The following MYBPHL variants were observed in gnomAD, a reference collection of about 807,000 sequenced individuals.
MYBPHL encodes the protein myosin binding protein H like.
In MYBPHL, 32 loss-of-function variants were observed where a neutral mutation model predicts 39.5. That is an observed-to-expected ratio of 0.81 (90% confidence interval 0.61 to 1.09). The LOEUF (loss-of-function observed/expected upper bound fraction) is 1.09. Among genes scored for constraint, MYBPHL ranks in the 50% least tolerant of loss-of-function variants. The pLI is 0.00. For synonymous variants in MYBPHL, 196 were observed against 183.7 expected (o/e 1.07, Z -0.54); for missense variants, 456 against 460.2 (o/e 0.99, Z 0.08).
In MYBPHL at chr1:109,295,383, C is replaced by A. The variant is rs771226582; in HGVS notation, c.868-86G>T. The A allele has an allele frequency of 7.8e-6, 10 of 1,282,028 alleles. No homozygotes were observed. The African/African-American group carries it at 1.5e-4, about 19-fold the overall frequency. 79.4% of individuals were successfully genotyped at this position (1,282,028 alleles called of 1,614,324 possible). On this transcript the variant is annotated intron_variant, in intron 6 of 8. Coordinates refer to ENST00000357155, the MANE Select transcript of MYBPHL (RefSeq NM_001010985.3). ...CTGTGCTCAGTTTCTGGGACTCTGT[C>A]TATATAGAGATAATGGCTTTCTGGA...
At chr1:109,294,047 G>A (rs1423021488) in intron 8 of MYBPHL, among the ~76,000 whole-genome samples, 159 bp downstream of exon 8, 1 of 152,082 alleles carries the variant, frequency 6.6e-6, no homozygotes, top group African/African-American at 2.4e-5. Context: ...CTGGGCAACA[G>A]AGTAAGACAT....
At chr1:109,297,254 G>T (rs913820176) in intron 3 of MYBPHL, 65 bp from the exon 4 acceptor site, 12 of 1,610,994 alleles carry the variant, frequency 7.4e-6, no homozygotes, top group Non-Finnish European at 8.5e-6. Flanking sequence ...CACTTCAGGA[G>T]TGCCCTAGCC....
chr1:109,296,285 T>A lies in MYBPHL; in HGVS notation c.816A>T (p.Thr272=). The A allele has an allele frequency of 1.2e-6, 2 of 1,613,936 alleles. No homozygotes were observed. The highest frequency in any genetic ancestry group is 4.5e-5 in the East Asian group (2 of 44,866). ...AGAGCTGGGTATTATAGCCGGTGAC[T>A]GTAGTGCAGTCGGCCAGAGGCTGGG... ...KFTQPLADCT[T]VTGYNTQLFC... is the part of the protein sequence containing the mutation. The change falls in exon 6 of 9, where the codon ACA becomes ACT. Residue 272 remains threonine, a synonymous_variant. Transcript: ENST00000357155.
chr1:109,301,188 GCTTCC>G (rs1266805926), intron 1 of MYBPHL, among the ~76,000 whole-genome samples: 1 of 152,242 alleles, frequency 6.6e-6, no homozygotes, highest in Non-Finnish European at 1.5e-5. Flanking sequence ...GGGAGGCATG[GCTTCC>G]CCTGATGCCC....
Position 109,297,091 on chromosome 1 carries a change from G to A in MYBPHL, c.529C>T (p.Leu177Phe). 1 of 1,614,156 alleles carries A rather than the reference G, an allele frequency of 6.2e-7. No individual in the cohort carries two copies. The highest frequency in any genetic ancestry group is 8.5e-7 in the Non-Finnish European group (1 of 1,180,042). The stretch of plus-strand genomic sequence containing the variant: ...GCCTTCTGCACCGTGTATCCCAGAA[G>A]TGCTGTATTCCCCGTATCTTGGGGC... Reference protein sequence around the residue: ...TPPQDTGNTALLGYTVQKADT... With the variant: ...TPPQDTGNTAFLGYTVQKADT... Residue 177 changes from leucine (L) to phenylalanine (F), a missense_variant, in exon 4 of 9, where the codon CTT (leucine) becomes TTT (phenylalanine). Coordinates refer to ENST00000357155, the MANE Select transcript of MYBPHL (RefSeq NM_001010985.3).
intron 1 of MYBPHL, among the ~76,000 whole-genome samples, chr1:109,305,462 G>T (rs1458412233): frequency 6.6e-6 from 1 of 152,216 alleles, no homozygotes; most frequent in East Asian, 1.9e-4. Context: ...GCCCGTGACT[G>T]GGGGCTGTCA....
intron 7 of MYBPHL, among the ~76,000 whole-genome samples, chr1:109,294,736 G>A (rs533562451): frequency 6.6e-6 from 1 of 152,128 alleles, no homozygotes; most frequent in African/African-American, 2.4e-5. Context: ...GGCTGAGTCA[G>A]AAGATTGCAC....
At position 109,297,495 on chromosome 1, in the gene MYBPHL, G is replaced by A. The variant is rs1020186048; in HGVS notation, c.357C>T (p.Asp119=). ...GCACGCGGAGTTGGTAGCGACCTGA[G>A]TCAGCACGTTGGGCTTCTCGGATGA... The part of the protein sequence containing the change: ...ILFIREAQRA[D]SGRYQLRVQL... Residue 119 remains aspartate, a synonymous_variant, in exon 3 of 9, where the codon GAC becomes GAT. Coordinates refer to ENST00000357155, the MANE Select transcript of MYBPHL (RefSeq NM_001010985.3). 4.3e-6 allele frequency: 7 copies of A among 1,613,604 alleles called. No individual in the cohort carries two copies. The highest frequency in any genetic ancestry group is 1.8e-4 in the Middle Eastern group (1 of 5,712).
intron 5 of MYBPHL, 27 bp downstream of exon 5, chr1:109,296,756 A>G (rs374187480): frequency 7.4e-6 from 12 of 1,613,732 alleles, no homozygotes; most frequent in East Asian, 2.2e-5. Context: ...AAGTCTTCCC[A>G]GCTCATGATC....
intron 1 of MYBPHL, among the ~76,000 whole-genome samples, chr1:109,305,065 T>TG (rs1319853677): frequency 6.6e-6 from 1 of 151,924 alleles, no homozygotes; most frequent in African/African-American, 2.4e-5. Flanking sequence ...GGATCTTTGG[T>TG]GGGGGTTTGG....
chr1:109,296,722 A>G (rs753085574), intron 5 of MYBPHL, 61 bp downstream of exon 5: 69 of 1,596,196 alleles, frequency 4.3e-5, no homozygotes, highest in Non-Finnish European at 5.8e-5. Context: ...TAGAGGCGTG[A>G]GCCACTGTGC....
chr1:109,297,043 GCCTCA>G lies in MYBPHL; in HGVS notation c.570+2_570+6del. The G allele has an allele frequency of 6.2e-7, 1 of 1,614,074 alleles. No homozygotes were observed. The highest frequency in any genetic ancestry group is 8.5e-7 in the Non-Finnish European group (1 of 1,180,010). On this transcript the variant is annotated splice_donor_variant and splice_donor_5th_base_variant and intron_variant, in intron 4 of 8. Transcript: ENST00000357155. LOFTEE classifies it high-confidence loss of function. The stretch of plus-strand genomic sequence containing the variant: ...TTCCACCCTCCTTCCTTCCCAGCTG[GCCTCA>G]CCCCGGATTTTGTGTCAGCCTTCTG...
At chr1:109,304,205 C>T (rs1481082257) in intron 1 of MYBPHL, among the ~76,000 whole-genome samples, 1 of 150,226 alleles carries the variant, frequency 6.7e-6, no homozygotes, top group East Asian at 1.9e-4. Flanking sequence ...GTTATTTTTA[C>T]CTATTTTGTT....
chr1:109,297,167 A>G lies in MYBPHL; in HGVS notation c.453T>C (p.Ser151=). ...LVIERPGPPQ[S]IKLVDVWGFS... ...AGCCCCAAACGTCCACCAGCTTAATACTCTGAGGAGGGCCTGGCCTCTCTG... is the reference window on the plus strand; with the variant it reads ...AGCCCCAAACGTCCACCAGCTTAATGCTCTGAGGAGGGCCTGGCCTCTCTG... The change falls in exon 4 of 9, where the codon AGT becomes AGC. Residue 151 remains serine, a synonymous_variant. Transcript: ENST00000357155. 1 of 1,613,882 alleles carries G rather than the reference A, an allele frequency of 6.2e-7. No individual in the cohort carries two copies. Among genetic ancestry groups the G allele is most frequent in the South Asian group, 1.1e-5 (1 of 91,070 alleles).
chr1:109,294,333 C>A (rs1657977828), intron 7 of MYBPHL, 84 bp from the exon 8 acceptor site: 3 of 1,365,604 alleles, frequency 2.2e-6, no homozygotes, highest in South Asian at 2.3e-5. Flanking sequence ...AAGGAATATT[C>A]TATTTCAGGT....
chr1:109,292,906 A>G (rs983333291), intron 8 of MYBPHL: 2 of 152,194 alleles, frequency 1.3e-5, no homozygotes, highest in African/African-American at 4.8e-5. Flanking sequence ...TGTTCACAAC[A>G]TAGCTAATGT....
Position 109,295,016 on chromosome 1 carries a change from C to T in MYBPHL, c.1054+95G>A, listed in dbSNP as rs76365002. 851 of 1,274,340 alleles carry T rather than the reference C, an allele frequency of 6.7e-4. 8 individuals carry two copies. The African/African-American group carries it at 9.3e-3, about 14-fold the overall frequency. The allele number at this position is 1,274,340 out of a possible 1,614,324, so 78.9% of individuals were successfully genotyped here. A position where few individuals can be genotyped will look rare whatever the true frequency, so the allele number is the denominator to read the frequency against. On this transcript the variant is annotated intron_variant, in intron 7 of 8. Transcript: ENST00000357155. ...AGAGTCCAGCGGAGGAACCCCTTCT[C>T]CCCCTAGGCTTGCGTCTCTGTTCCC...
intron 1 of MYBPHL, among the ~76,000 whole-genome samples, chr1:109,298,566 C>T (rs1658171436): frequency 6.6e-6 from 1 of 152,082 alleles, no homozygotes; most frequent in East Asian, 1.9e-4. Flanking sequence ...CTGATGGAGG[C>T]ATTTTTATTT....
chr1:109,303,393 T>G (rs1415424682), intron 1 of MYBPHL, among the ~76,000 whole-genome samples: 1 of 152,240 alleles, frequency 6.6e-6, no homozygotes, highest in African/African-American at 2.4e-5. Flanking sequence ...TGCACTCTCT[T>G]GGCAATACCT....
Sources: gnomAD v4.1 joint callset for allele counts (sites outside exome capture counted in the v4.1 genomes callset) on GRCh38, gnomAD v4.1.1 for gene constraint, MANE v1.5 for transcripts, NCBI Gene and HGNC (gene_info 2026-07-23, HGNC 2026-07-21) for gene names.